Variants in DLG2 observed in about 807,000 individuals in gnomAD.
The protein encoded by DLG2 is disks large homolog 2.
DLG2 carries 45 observed loss-of-function variants against 132.5 expected under a neutral mutation model. That is an observed-to-expected ratio of 0.34 (90% CI 0.27 to 0.44). The LOEUF (loss-of-function observed/expected upper bound fraction) is 0.44. Ranked by LOEUF, DLG2 falls within the 20% of genes least tolerant of loss-of-function variation. DLG2 has a pLI of 1.00. For synonymous variants in DLG2, 424 were observed against 419.6 expected, an observed-to-expected ratio of 1.01 and a Z score of -0.13; for missense variants, 1,045 against 1,196.9, an observed-to-expected ratio of 0.87 and a Z score of 1.87.
intron 15 of DLG2, among the ~76,000 whole-genome samples, chr11:83,885,705 C>G (rs1244478023): frequency 6.6e-6 from 1 of 152,126 alleles, no homozygotes; most frequent in South Asian, 2.1e-4. Context: ...AGAGAAAGGT[C>G]GGGTTACCCA....
chr11:84,189,657 T>A (rs568361699), intron 8 of DLG2, among the ~76,000 whole-genome samples: 1 of 152,306 alleles, frequency 6.6e-6, no homozygotes, highest in South Asian at 2.1e-4. Context: ...AGGAAAGAGA[T>A]CATGTTCTTT....
chr11:85,559,813 A>ATGAT (rs972398909), intron 3 of DLG2, among the ~76,000 whole-genome samples: 2 of 118,042 alleles, frequency 1.7e-5, no homozygotes, highest in African/African-American at 6.1e-5. Context: ...GATTAGTTAG[A>ATGAT]TGATTGATAG....
At chr11:85,481,785 G>C in intron 3 of DLG2, among the ~76,000 whole-genome samples, 1 of 152,074 alleles carries the variant, frequency 6.6e-6, no homozygotes, top group African/African-American at 2.4e-5. Flanking sequence ...CTAGTCATTG[G>C]GCCAGAACCT....
chr11:83,538,367 C>T (rs1190354381), intron 20 of DLG2, among the ~76,000 whole-genome samples: 1 of 152,196 alleles, frequency 6.6e-6, no homozygotes, highest in Non-Finnish European at 1.5e-5. Flanking sequence ...CCAAGAAGAG[C>T]CCCAAACCTT....
At chr11:84,600,699 C>T (rs2099574923) in intron 6 of DLG2, among the ~76,000 whole-genome samples, 1 of 152,110 alleles carries the variant, frequency 6.6e-6, no homozygotes, top group Admixed American at 6.5e-5. Flanking sequence ...GACCTCACTG[C>T]TTAACAAAAC....
At chr11:84,156,591 T>A (rs766506014) in intron 9 of DLG2, among the ~76,000 whole-genome samples, 42 of 152,228 alleles carry the variant, frequency 2.8e-4, no homozygotes, top group Non-Finnish European at 4.4e-5. Flanking sequence ...TCTGACAAGT[T>A]AGGGATTCTT....
intron 9 of DLG2, among the ~76,000 whole-genome samples, chr11:84,119,268 G>C (rs374612219): frequency 4.6e-5 from 7 of 151,910 alleles, no homozygotes; most frequent in African/African-American, 1.5e-4. Context: ...CCCAAATACC[G>C]CTATTTCACA....
At chr11:85,288,836 G>C (rs1033828496) in intron 3 of DLG2, among the ~76,000 whole-genome samples, 8 of 151,900 alleles carry the variant, frequency 5.3e-5, no homozygotes, top group Non-Finnish European at 1.5e-5. Context: ...ACAGTTTCAT[G>C]AGCAGTATTT....
chr11:83,580,845 C>CTCCCCTTCCCCT (rs1167697892), intron 19 of DLG2, among the ~76,000 whole-genome samples: 1 of 118,408 alleles, frequency 8.4e-6, no homozygotes, highest in African/African-American at 3.2e-5. Context: ...CTCCCCCATT[C>CTCCCCTTCCCCT]TCCCCTTCCC....
At chr11:83,540,639 G>A (rs1404556685) in intron 20 of DLG2, among the ~76,000 whole-genome samples, 1 of 152,170 alleles carries the variant, frequency 6.6e-6, no homozygotes, top group Non-Finnish European at 1.5e-5. Flanking sequence ...GAGTTATTCT[G>A]AGGTTTAAGT....
At chr11:83,805,122 T>C (rs1195297639) in intron 17 of DLG2, among the ~76,000 whole-genome samples, 1 of 152,128 alleles carries the variant, frequency 6.6e-6, no homozygotes, top group Non-Finnish European at 1.5e-5. Context: ...ACCAGATCTC[T>C]TCATTTAAAA....
intron 7 of DLG2, among the ~76,000 whole-genome samples, chr11:84,513,855 A>G (rs1204231700): frequency 1.3e-5 from 2 of 152,030 alleles, no homozygotes; most frequent in Non-Finnish European, 2.9e-5. Flanking sequence ...AATCACATCT[A>G]GTTAAAAAGC....
intron 3 of DLG2, among the ~76,000 whole-genome samples, chr11:85,432,981 C>T (rs2091276823): frequency 6.6e-6 from 1 of 152,122 alleles, no homozygotes; most frequent in African/African-American, 2.4e-5. Flanking sequence ...CAGCAGAAAC[C>T]CTATAAGCAA....
chr11:85,107,694 T>C (rs1279795545), intron 6 of DLG2, among the ~76,000 whole-genome samples: 2 of 151,842 alleles, frequency 1.3e-5, no homozygotes, highest in Non-Finnish European at 1.5e-5. Flanking sequence ...CAATGAGGCA[T>C]ATAATCAATT....
At chr11:84,089,467 T>A (rs899852966) in intron 10 of DLG2, among the ~76,000 whole-genome samples, 1 of 152,182 alleles carries the variant, frequency 6.6e-6, no homozygotes, top group South Asian at 2.1e-4. Flanking sequence ...AGTTAGTGGA[T>A]ATACATTAAT....
At chr11:85,127,558 G>C (rs903279397) in intron 5 of DLG2, among the ~76,000 whole-genome samples, 1 of 152,160 alleles carries the variant, frequency 6.6e-6, no homozygotes, top group African/African-American at 2.4e-5. Context: ...CAGATTGCCT[G>C]TTGTATCCCC....
intron 7 of DLG2, among the ~76,000 whole-genome samples, chr11:84,368,527 G>GAAA (rs1340427395): frequency 6.6e-6 from 1 of 152,034 alleles, no homozygotes; most frequent in East Asian, 1.9e-4. Context: ...CTCATTCAGA[G>GAAA]AAAAGGGTAC....
intron 15 of DLG2, among the ~76,000 whole-genome samples, chr11:83,901,150 G>A (rs1487398847): frequency 6.6e-6 from 1 of 152,202 alleles, no homozygotes; most frequent in African/African-American, 2.4e-5. Context: ...TAGCCCCATT[G>A]TATCTATGAA....
At chr11:85,574,897 C>T (rs1214006272) in intron 3 of DLG2, among the ~76,000 whole-genome samples, 1 of 152,104 alleles carries the variant, frequency 6.6e-6, no homozygotes, top group Non-Finnish European at 1.5e-5. Context: ...CAACACAAAA[C>T]AGACTAATAC....
Sources: allele counts gnomAD v4.1 joint callset (sites outside exome capture counted in the v4.1 genomes callset), GRCh38; gene constraint gnomAD v4.1.1; transcripts MANE v1.5; gene names NCBI Gene and HGNC (gene_info 2026-07-23, HGNC 2026-07-21).